Variants in MED30 observed in about 807,000 individuals in gnomAD.
MED30 encodes mediator complex subunit 30.
Under a neutral mutation model 21.7 loss-of-function variants are expected in MED30, and 8 were observed. The ratio of observed to expected loss-of-function variants is 0.37; its 90% CI spans 0.22 to 0.67. The LOEUF is 0.67. Ranked by LOEUF, MED30 falls within the 30% of genes least tolerant of loss-of-function variation. The pLI is 0.58. For missense variants in MED30, 203 were observed against 228.2 expected, an observed-to-expected ratio of 0.89 and a Z score of 0.71; for synonymous variants, 79 against 86.7, an observed-to-expected ratio of 0.91 and a Z score of 0.49.
Position 117,520,775 on chromosome 8 carries a change from C to G in MED30, c.-102C>G. On this transcript the variant is annotated 5_prime_UTR_variant, in exon 1 of 4. Transcript: ENST00000297347. Reference sequence around the variant, plus strand: ...TTTGAAATCGGGCCGCGGGGGGTCTCTCAAGCTGGTTCCAACGCTGAGGCC... The same window carrying G: ...TTTGAAATCGGGCCGCGGGGGGTCTGTCAAGCTGGTTCCAACGCTGAGGCC... The G allele has an allele frequency of 7.9e-7, 1 of 1,261,620 alleles. No individual in the cohort carries two copies. The highest frequency in any genetic ancestry group is 1.1e-6 in the Non-Finnish European group (1 of 943,424). The allele number at this position is 1,261,620 out of a possible 1,614,324, so 78.2% of individuals were successfully genotyped here. A position where few individuals can be genotyped will look rare whatever the true frequency, so the allele number is the denominator to read the frequency against.
At chr8:117,530,119 G>A (rs952519233) in intron 2 of MED30, among the ~76,000 whole-genome samples, 1 of 151,952 alleles carries the variant, frequency 6.6e-6, no homozygotes, top group East Asian at 1.9e-4. Flanking sequence ...TTACGATTCT[G>A]CTAGAAGTTT....
chr8:117,521,323 A>T (rs748751663), intron 1 of MED30, among the ~76,000 whole-genome samples: 6 of 152,142 alleles, frequency 3.9e-5, no homozygotes, highest in African/African-American at 1.2e-4. Flanking sequence ...GCACCTTTCA[A>T]GGCAGAGATG....
chr8:117,526,818 A>G (rs1277394335), intron 1 of MED30, among the ~76,000 whole-genome samples: 1 of 152,058 alleles, frequency 6.6e-6, no homozygotes, highest in Non-Finnish European at 1.5e-5. Context: ...AACATCTAAT[A>G]TCTTTCTAAG....
chr8:117,521,245 AT>A (rs896363212), intron 1 of MED30, among the ~76,000 whole-genome samples, 192 bp downstream of exon 1: 10 of 152,088 alleles, frequency 6.6e-5, no homozygotes, highest in Non-Finnish European at 1.2e-4. Flanking sequence ...TCCAGACCAG[AT>A]TTCTGCAGAA....
Position 117,520,826 on chromosome 8 carries a change from C to T in MED30, c.-51C>T, listed in dbSNP as rs746536662. On this transcript the variant is annotated 5_prime_UTR_variant, in exon 1 of 4. Transcript: ENST00000297347. ...CCACAGCCTCCCAATTCCGGGCAGA[C>T]CCCTGACACCTGCTGTCTGGCCCCT... 188 of 1,499,838 alleles carry T rather than the reference C, an allele frequency of 1.3e-4. No homozygotes were observed. Among genetic ancestry groups the T allele is most frequent in the Non-Finnish European group, 1.6e-4 (181 of 1,120,316 alleles). 92.9% of individuals were successfully genotyped at this position (1,499,838 alleles called of 1,614,324 possible).
rs1451470429 is a variant in MED30 at position 117,540,085 on chromosome 8, A to G, written c.*107A>G. On this transcript the variant is annotated 3_prime_UTR_variant, in exon 4 of 4. Transcript: ENST00000297347. Reference sequence around the variant, plus strand: ...TTTATCTGCTTTTATTTTAGTCACTAAAACTAAAGTTTTTATTTTTACATT... The same window carrying G: ...TTTATCTGCTTTTATTTTAGTCACTGAAACTAAAGTTTTTATTTTTACATT... 1.8e-6 allele frequency: 1 copy of G among 541,302 alleles called. No individual in the cohort carries two copies. The highest frequency in any genetic ancestry group is 3.5e-5 in the East Asian group (1 of 28,328). The allele number at this position is 541,302 out of a possible 1,614,324, so 33.5% of individuals were successfully genotyped here.
chr8:117,537,311 G>A, intron 3 of MED30, among the ~76,000 whole-genome samples: 1 of 152,130 alleles, frequency 6.6e-6, no homozygotes, highest in South Asian at 2.1e-4. Context: ...GAAAATAGCA[G>A]CTGTCAACGT....
intron 1 of MED30, among the ~76,000 whole-genome samples, chr8:117,521,547 A>C (rs1383790052): frequency 6.6e-6 from 1 of 152,222 alleles, no homozygotes; most frequent in Non-Finnish European, 1.5e-5. Context: ...ACCACAATCA[A>C]AATAGTGTAC....
intron 1 of MED30, chr8:117,523,646 TCTTGTCTGC>T: frequency 6.3e-7 from 1 of 1,597,680 alleles, no homozygotes. Context: ...TTGGACACAT[TCTTGTCTGC>T]CAGCTCCGGG....
intron 3 of MED30, among the ~76,000 whole-genome samples, chr8:117,533,625 T>G (rs1054449037): frequency 1.6e-4 from 24 of 151,844 alleles, no homozygotes; most frequent in Non-Finnish European, 2.9e-4. Flanking sequence ...TTCTTACCTC[T>G]TTAATTTTCT....
rs1347368816 is a variant in MED30, at chr8:117,530,737, T to C, written c.351T>C (p.Tyr117=). 2 of 1,610,910 alleles carry C rather than the reference T, an allele frequency of 1.2e-6. No individual in the cohort carries two copies. The highest frequency in any genetic ancestry group is 1.7e-6 in the Non-Finnish European group (2 of 1,178,356). ...ATCATTCCCAGCAACTTATTCCATATGTGGAAGAAGATGGCTCAAAGAATG... is the reference window on the plus strand; with the variant it reads ...ATCATTCCCAGCAACTTATTCCATACGTGGAAGAAGATGGCTCAAAGAATG... ...DPIPVEQLIP[Y]VEEDGSKNDD... is the part of the protein sequence containing the mutation. The change falls in exon 3 of 4, where the codon TAT becomes TAC. Residue 117 remains tyrosine, a synonymous_variant. Coordinates refer to ENST00000297347, the MANE Select transcript of MED30 (RefSeq NM_080651.4).
rs920945467 is a variant in MED30 at position 117,538,142 on chromosome 8, GACT to G, written c.442-1739_442-1737del. Among the ~76,000 whole-genome samples the G allele has an allele frequency of 1.8e-3, 274 of 152,256 alleles. 2 individuals carry two copies. The highest frequency in any genetic ancestry group is 5.3e-3 in the African/African-American group (219 of 41,544). On this transcript the variant is annotated intron_variant, in intron 3 of 3. Coordinates refer to ENST00000297347, the MANE Select transcript of MED30 (RefSeq NM_080651.4). Reference sequence around the variant, plus strand: ...GATATATACAACCACTTAAATAACAGACTATCACTTACTTATGATAACAGAATA... The same window carrying G: ...GATATATACAACCACTTAAATAACAGATCACTTACTTATGATAACAGAATA...
chr8:117,522,873 T>C (rs1338320338), intron 1 of MED30, among the ~76,000 whole-genome samples: 2 of 152,206 alleles, frequency 1.3e-5, no homozygotes, highest in Non-Finnish European at 1.5e-5. Flanking sequence ...TGTCCTGTTA[T>C]ATGCAAAGCA....
chr8:117,528,552 A>G (rs1818752279), intron 1 of MED30, 99 bp from the exon 2 acceptor site: 6 of 1,023,900 alleles, frequency 5.9e-6, no homozygotes, highest in South Asian at 1.7e-5. Flanking sequence ...ATGTCTATGC[A>G]TTGCCTAAAA....
rs1306650145 is a variant in MED30 at position 117,540,036 on chromosome 8, A to AT, written c.*64dup. Reference sequence around the variant, plus strand: ...TATACCATTGTTTTTTCCCTCAAGTATTTTTTCCCTGTGAAGAAGATTATT... The same window carrying AT: ...TATACCATTGTTTTTTCCCTCAAGTATTTTTTTCCCTGTGAAGAAGATTATT... On this transcript the variant is annotated 3_prime_UTR_variant, in exon 4 of 4. Transcript: ENST00000297347. The AT allele has an allele frequency of 4.1e-6, 4 of 987,538 alleles. No individual in the cohort carries two copies. The highest frequency in any genetic ancestry group is 3.0e-5 in the Admixed American group (1 of 33,526). 61.2% of individuals were successfully genotyped at this position (987,538 alleles called of 1,614,324 possible).
chr8:117,536,896 G>C (rs112417250), intron 3 of MED30, among the ~76,000 whole-genome samples: 1 of 152,242 alleles, frequency 6.6e-6, no homozygotes, highest in Admixed American at 6.5e-5. Flanking sequence ...TAACATTAAT[G>C]ATAGCTGAGA....
chr8:117,539,750 C>A (rs775144513), intron 3 of MED30, 133 bp from the exon 4 acceptor site: 10 of 586,282 alleles, frequency 1.7e-5, no homozygotes, highest in Non-Finnish European at 2.9e-5. Flanking sequence ...GGGTTGAGAC[C>A]ATCTGCCTTA....
intron 1 of MED30, among the ~76,000 whole-genome samples, chr8:117,522,465 AC>A (rs1397925525): frequency 1.3e-5 from 2 of 152,108 alleles, no homozygotes; most frequent in Non-Finnish European, 2.9e-5. Context: ...TGCTTATATT[AC>A]CCACTACATG....
intron 1 of MED30, among the ~76,000 whole-genome samples, chr8:117,525,604 T>G (rs1818706989): frequency 6.6e-6 from 1 of 152,100 alleles, no homozygotes. Flanking sequence ...TTTTAAAATT[T>G]CAGCCTTTAC....
Sources: allele counts gnomAD v4.1 joint callset (sites outside exome capture counted in the v4.1 genomes callset), GRCh38; gene constraint gnomAD v4.1.1; transcripts MANE v1.5; gene names NCBI Gene and HGNC (gene_info 2026-07-23, HGNC 2026-07-21).